LRRC4C: variants seen among roughly 807,000 people sequenced by gnomAD.
LRRC4C encodes leucine rich repeat containing 4C.
In LRRC4C, 5 loss-of-function variants were observed where a neutral mutation model predicts 33.6. The ratio of observed to expected loss-of-function variants is 0.15; its 90% confidence interval spans 0.08 to 0.31. The LOEUF is 0.31. LRRC4C is among the 10% of genes least tolerant of loss of function. The probability of loss-of-function intolerance (pLI) is 1.00; values close to 1 mark genes in which losing one functional copy is unlikely to be tolerated. For synonymous variants in LRRC4C, 329 were observed against 302.0 expected (o/e 1.09, Z -0.93); for missense variants, 560 against 796.7 (o/e 0.70, Z 3.58).
intron 3 of LRRC4C, among the ~76,000 whole-genome samples, chr11:40,475,009 G>A (rs1010402515): frequency 1.3e-5 from 2 of 152,170 alleles, no homozygotes; most frequent in Non-Finnish European, 2.9e-5. Context: ...TGGTGGGAGT[G>A]TAAATTAGTT....
At chr11:40,328,990 A>G (rs565918953) in intron 3 of LRRC4C, among the ~76,000 whole-genome samples, 280 of 152,340 alleles carry the variant, frequency 1.8e-3, no homozygotes, top group Non-Finnish European at 2.9e-3. Flanking sequence ...GTAACTCAAA[A>G]AGAACAAACA....
intron 3 of LRRC4C, among the ~76,000 whole-genome samples, chr11:40,525,652 G>A (rs1235675793): frequency 6.6e-6 from 1 of 151,358 alleles, no homozygotes; most frequent in Non-Finnish European, 1.5e-5. Context: ...GGAGAATTCA[G>A]TATGCTAGGA....
intron 2 of LRRC4C, among the ~76,000 whole-genome samples, chr11:40,741,887 T>G (rs1247301764): frequency 6.6e-6 from 1 of 152,064 alleles, no homozygotes; most frequent in African/African-American, 2.4e-5. Context: ...GCATTCATGA[T>G]AGCCAAAGAT....
intron 3 of LRRC4C, among the ~76,000 whole-genome samples, chr11:40,591,134 C>T (rs1032953543): frequency 4.6e-5 from 7 of 152,148 alleles, no homozygotes; most frequent in South Asian, 2.1e-4. Context: ...AGTGAGACTC[C>T]GTGGGCATAC....
intron 3 of LRRC4C, among the ~76,000 whole-genome samples, chr11:40,334,092 T>C (rs1406374766): frequency 6.6e-6 from 1 of 152,188 alleles, no homozygotes; most frequent in African/African-American, 2.4e-5. Context: ...GTGCTCAAGA[T>C]GGGAAAACCT....
rs1411385581 is a variant in LRRC4C, at chr11:40,774,077, T to A, written c.-406-125799A>T. On this transcript the variant is annotated intron_variant, in intron 2 of 6. Coordinates refer to ENST00000528697, the MANE Select transcript of LRRC4C (RefSeq NM_001258419.2). ...TGTGTCAATTGATCCATGGGCTTTT[T>A]AAATATTTTCTATAAATAGAATCAC... is the stretch of plus-strand genomic sequence containing the variant. Among the ~76,000 whole-genome samples the A allele has an allele frequency of 2.0e-5, 3 of 152,282 alleles. No homozygotes were observed. In the South Asian group the frequency reaches 6.2e-4, roughly 32 times the overall value.
intron 2 of LRRC4C, among the ~76,000 whole-genome samples, chr11:40,761,436 G>A (rs1372886127): frequency 2.0e-5 from 3 of 152,062 alleles, no homozygotes; most frequent in Non-Finnish European, 4.4e-5. Flanking sequence ...ATGTGAAGGG[G>A]TTGAGCTGAA....
At chr11:41,166,871 C>CA (rs1565444234) in intron 1 of LRRC4C, among the ~76,000 whole-genome samples, 1 of 152,152 alleles carries the variant, frequency 6.6e-6, no homozygotes, top group Non-Finnish European at 1.5e-5. Context: ...GACACCATGG[C>CA]AATTCATCTC....
At chr11:40,542,609 C>T (rs1039067078) in intron 3 of LRRC4C, among the ~76,000 whole-genome samples, 5 of 151,730 alleles carry the variant, frequency 3.3e-5, no homozygotes, top group Non-Finnish European at 5.9e-5. Context: ...TTCCCTAGAG[C>T]AAGCCCTGCG....
intron 1 of LRRC4C, among the ~76,000 whole-genome samples, chr11:41,230,483 C>T (rs1391932693): frequency 6.6e-6 from 1 of 152,084 alleles, no homozygotes; most frequent in Non-Finnish European, 1.5e-5. Context: ...TTAAGCATAG[C>T]TTAAGCAGCT....
chr11:41,287,593 A>T (rs1390200259), intron 1 of LRRC4C, among the ~76,000 whole-genome samples: 1 of 152,188 alleles, frequency 6.6e-6, no homozygotes, highest in African/African-American at 2.4e-5. Flanking sequence ...AGGTTTCTGC[A>T]AGTACCTAGA....
At chr11:41,159,829 A>G (rs894885475) in intron 1 of LRRC4C, among the ~76,000 whole-genome samples, 18 of 152,272 alleles carry the variant, frequency 1.2e-4, no homozygotes, top group African/African-American at 4.1e-4. Flanking sequence ...GCACCTAGTC[A>G]TGGTTAATCA....
At chr11:40,614,148 A>G (rs865912865) in intron 3 of LRRC4C, among the ~76,000 whole-genome samples, 1 of 151,814 alleles carries the variant, frequency 6.6e-6, no homozygotes, top group African/African-American at 2.4e-5. Context: ...TCAGGTATTG[A>G]CTTCTCTCTA....
chr11:40,403,035 A>C lies in LRRC4C; in HGVS notation c.-269-83314T>G, dbSNP rs576542973. On this transcript the variant is annotated intron_variant, in intron 3 of 6. Coordinates refer to ENST00000528697, the MANE Select transcript of LRRC4C (RefSeq NM_001258419.2). ...TAGTCTAGGCTTTTATTTTTGATGA[A>C]ATTGAACTTGGGTATGAGTTATAAT... 6.4e-4 allele frequency among the ~76,000 whole-genome samples: 97 copies of C among 152,182 alleles called. 1 individual carries two copies. The highest frequency in any genetic ancestry group is 2.3e-3 in the African/African-American group (95 of 41,554).
intron 1 of LRRC4C, among the ~76,000 whole-genome samples, chr11:41,280,991 C>G (rs1949644294): frequency 6.7e-6 from 1 of 148,962 alleles, no homozygotes; most frequent in South Asian, 2.2e-4. Flanking sequence ...AACAATTAGC[C>G]TAGTATTTTT....
intron 3 of LRRC4C, among the ~76,000 whole-genome samples, chr11:40,583,027 A>C (rs1444976934): frequency 4.6e-5 from 7 of 152,156 alleles, no homozygotes; most frequent in African/African-American, 1.7e-4. Context: ...AACTATGGTA[A>C]TACTACCGTG....
At chr11:41,022,160 AT>A (rs1470407934) in intron 1 of LRRC4C, among the ~76,000 whole-genome samples, 1 of 147,710 alleles carries the variant, frequency 6.8e-6, no homozygotes, top group Non-Finnish European at 1.5e-5. Flanking sequence ...ATATATATAT[AT>A]ATATGTATAT....
chr11:41,259,919 C>A (rs776778499), intron 1 of LRRC4C, among the ~76,000 whole-genome samples: 2 of 151,816 alleles, frequency 1.3e-5, no homozygotes, highest in Non-Finnish European at 2.9e-5. Flanking sequence ...CAATTCCCTG[C>A]GTTCTGTTAA....
intron 1 of LRRC4C, among the ~76,000 whole-genome samples, chr11:41,076,270 C>T (rs1348372680): frequency 6.6e-6 from 1 of 152,146 alleles, no homozygotes; most frequent in African/African-American, 2.4e-5. Flanking sequence ...AACCATTTTC[C>T]CAATCTGCCT....
Sources: allele counts gnomAD v4.1 joint callset (sites outside exome capture counted in the v4.1 genomes callset), GRCh38; gene constraint gnomAD v4.1.1; transcripts MANE v1.5; gene names NCBI Gene and HGNC (gene_info 2026-07-23, HGNC 2026-07-21).